The following ZNF664 variants were observed in gnomAD, a reference collection of about 807,000 sequenced individuals.
ZNF664 encodes the protein zinc finger Organ of Corti 1.
ZNF664 carries 10 observed loss-of-function variants against 18.2 expected under a neutral mutation model. The ratio of observed to expected loss-of-function variants is 0.55; its 90% confidence interval spans 0.34 to 0.93. The LOEUF is 0.93. ZNF664 is among the 40% of genes least tolerant of loss of function. ZNF664 has a pLI of 0.02. For missense variants in ZNF664, 193 were observed against 319.0 expected, an observed-to-expected ratio of 0.61 and a Z score of 3.01; for synonymous variants, 119 against 104.2, an observed-to-expected ratio of 1.14 and a Z score of -0.86.
intron 2 of ZNF664, among the ~76,000 whole-genome samples, chr12:123,986,549 C>T (rs947079113): frequency 1.3e-5 from 2 of 152,214 alleles, no homozygotes; most frequent in African/African-American, 2.4e-5. Context: ...CATAACCTCT[C>T]AGCTTCATCT....
At chr12:124,006,514 CTTCCT>C (rs1679370679) in intron 3 of ZNF664, among the ~76,000 whole-genome samples, 1 of 152,220 alleles carries the variant, frequency 6.6e-6, no homozygotes, top group South Asian at 2.1e-4. Flanking sequence ...CAGTTTTTGA[CTTCCT>C]TGAATCTTAG....
Position 124,014,375 on chromosome 12 carries a change from T to TCA in ZNF664, c.*1446_*1447dup, listed in dbSNP as rs1366699742. ...GGGAAGGGGAGAGATGCCGAGGTGG[T>TCA]CAGTATCCTGACTTTCAGAGGCCTT... On this transcript the variant is annotated 3_prime_UTR_variant, in exon 5 of 5. Transcript: ENST00000337815. 1 of 167,044 alleles carries TCA rather than the reference T, an allele frequency of 6.0e-6. No individual in the cohort carries two copies. The highest frequency in any genetic ancestry group is 1.5e-5 in the Non-Finnish European group (1 of 68,156). 10.3% of individuals were successfully genotyped at this position (167,044 alleles called of 1,614,324 possible). A position where few individuals can be genotyped will look rare whatever the true frequency, so the allele number is the denominator to read the frequency against.
At position 124,012,920 on chromosome 12, in the gene ZNF664, C is replaced by G; in HGVS notation, c.776C>G (p.Ser259Ter). Residue 259 changes from serine (S) to a stop codon, truncating the protein, a stop_gained, in exon 5 of 5, where the codon TCA (serine) becomes TGA (stop). Transcript: ENST00000337815. LOFTEE classifies it high-confidence loss of function. ...HTKERNHLKI[S>*]VI The stretch of plus-strand genomic sequence containing the variant: ...AAGGAGAGAAACCATCTCAAAATAT[C>G]AGTTATATAAAACGTTTTGCTAAGA... 1 of 1,613,078 alleles carries G rather than the reference C, an allele frequency of 6.2e-7. No homozygotes were observed.
At chr12:123,987,368 T>C (rs761644324) in intron 2 of ZNF664, among the ~76,000 whole-genome samples, 17 of 152,302 alleles carry the variant, frequency 1.1e-4, no homozygotes, top group Non-Finnish European at 1.6e-4. Flanking sequence ...TGAACAATTA[T>C]AGAATATAGC....
chr12:123,977,806 T>C (rs1956713844), intron 2 of ZNF664, among the ~76,000 whole-genome samples: 1 of 152,210 alleles, frequency 6.6e-6, no homozygotes, highest in African/African-American at 2.4e-5. Context: ...TGGAACTTAT[T>C]CAGCACCCCA....
At chr12:123,976,213 C>T (rs1002091258) in intron 2 of ZNF664, among the ~76,000 whole-genome samples, 12 of 152,094 alleles carry the variant, frequency 7.9e-5, no homozygotes, top group Non-Finnish European at 1.8e-4. Flanking sequence ...TTAAGAAGCA[C>T]CTGCTATGAG....
intron 3 of ZNF664, among the ~76,000 whole-genome samples, chr12:124,004,311 A>G (rs945148421): frequency 4.6e-5 from 7 of 152,224 alleles, no homozygotes; most frequent in Admixed American, 2.0e-4. Flanking sequence ...GGGCCACATT[A>G]GTAGGACAAA....
intron 3 of ZNF664, among the ~76,000 whole-genome samples, chr12:124,010,792 A>G (rs1296023330): frequency 6.6e-6 from 1 of 152,232 alleles, no homozygotes; most frequent in African/African-American, 2.4e-5. Flanking sequence ...AGGAGATGAA[A>G]ACAGAGTCTA....
intron 2 of ZNF664, among the ~76,000 whole-genome samples, chr12:123,986,511 T>C (rs1367049685): frequency 6.6e-6 from 1 of 152,260 alleles, no homozygotes; most frequent in African/African-American, 2.4e-5. Flanking sequence ...TGCTGTGATT[T>C]GATGACCTCC....
chr12:123,992,226 G>T (rs1326861219), intron 3 of ZNF664, among the ~76,000 whole-genome samples: 1 of 152,180 alleles, frequency 6.6e-6, no homozygotes, highest in Non-Finnish European at 1.5e-5. Context: ...TAGGAAAGTG[G>T]TCTGAGGGTG....
intron 2 of ZNF664, 170 bp from the exon 3 acceptor site, chr12:123,987,873 C>T (rs1467221589): frequency 3.7e-6 from 3 of 807,154 alleles, no homozygotes; most frequent in Non-Finnish European, 4.5e-6. Context: ...CTTCTTTGGA[C>T]CTCCATGCCT....
At chr12:123,976,604 T>C (rs1322416950) in intron 2 of ZNF664, among the ~76,000 whole-genome samples, 1 of 151,908 alleles carries the variant, frequency 6.6e-6, no homozygotes, top group African/African-American at 2.4e-5. Flanking sequence ...CAGATTTGTA[T>C]CTTTAAACAG....
chr12:123,977,256 G>A (rs1351304714), intron 2 of ZNF664, among the ~76,000 whole-genome samples: 1 of 152,124 alleles, frequency 6.6e-6, no homozygotes. Flanking sequence ...AACAAGGTTT[G>A]TATGTTTTGA....
chr12:124,012,810 A>C lies in ZNF664; in HGVS notation c.666A>C (p.Thr222=). The change falls in exon 5 of 5, where the codon ACA becomes ACC. Residue 222 remains threonine, a synonymous_variant. Coordinates refer to ENST00000337815, the MANE Select transcript of ZNF664 (RefSeq NM_152437.3). ...TGTGCATCCACCAGAGAGTCCACAC[A>C]GGAGAGAAACCTTTCAAATGTGATG... ...SSLCIHQRVH[T]GEKPFKCDEC... is the part of the protein sequence containing the mutation. The C allele has an allele frequency of 2.5e-6, 4 of 1,613,724 alleles. No individual in the cohort carries two copies. Among genetic ancestry groups the C allele is most frequent in the Non-Finnish European group, 3.4e-6 (4 of 1,179,742 alleles).
intron 2 of ZNF664, among the ~76,000 whole-genome samples, chr12:123,976,236 A>T (rs1451121629): frequency 6.6e-6 from 1 of 152,238 alleles, no homozygotes; most frequent in Admixed American, 6.5e-5. Context: ...AGTATAAAAA[A>T]GGGGAGACCA....
intron 2 of ZNF664, among the ~76,000 whole-genome samples, chr12:123,986,736 C>T (rs1328200834): frequency 1.3e-5 from 2 of 152,154 alleles, no homozygotes; most frequent in African/African-American, 4.8e-5. Context: ...GCTGCCTGGG[C>T]CTACCCTTAA....
At chr12:123,985,116 G>A (rs1956808961) in intron 2 of ZNF664, among the ~76,000 whole-genome samples, 1 of 152,122 alleles carries the variant, frequency 6.6e-6, no homozygotes, top group Admixed American at 6.5e-5. Context: ...TATAGATGCT[G>A]TGGAGGAGCT....
At chr12:123,984,755 G>C (rs1956804500) in intron 2 of ZNF664, among the ~76,000 whole-genome samples, 1 of 152,082 alleles carries the variant, frequency 6.6e-6, no homozygotes, top group African/African-American at 2.4e-5. Flanking sequence ...AATAATTCTA[G>C]TAGGCAGTTG....
intron 2 of ZNF664, among the ~76,000 whole-genome samples, chr12:123,977,489 A>G (rs1956709689): frequency 6.6e-6 from 1 of 150,992 alleles, no homozygotes; most frequent in African/African-American, 2.4e-5. Context: ...AACCCTAAAC[A>G]AGAAACTGGC....
Sources: gnomAD v4.1 joint callset for allele counts (sites outside exome capture counted in the v4.1 genomes callset) on GRCh38, gnomAD v4.1.1 for gene constraint, MANE v1.5 for transcripts, NCBI Gene and HGNC (gene_info 2026-07-23, HGNC 2026-07-21) for gene names.